CDK14: variants seen among roughly 807,000 people sequenced by gnomAD.
CDK14 encodes cyclin-dependent kinase 14.
In CDK14, 34 loss-of-function variants were observed where a neutral mutation model predicts 60.7. The ratio of observed to expected loss-of-function variants is 0.56; its 90% confidence interval spans 0.43 to 0.75. CDK14 has a LOEUF of 0.75. Among genes scored for constraint, CDK14 ranks in the 30% least tolerant of loss-of-function variants. The pLI is 0.00. For synonymous variants in CDK14, 197 were observed against 203.7 expected, an observed-to-expected ratio of 0.97 and a Z score of 0.28; for missense variants, 482 against 564.1, an observed-to-expected ratio of 0.85 and a Z score of 1.47.
At chr7:90,891,981 T>C (rs1050721575) in intron 6 of CDK14, among the ~76,000 whole-genome samples, 1 of 152,224 alleles carries the variant, frequency 6.6e-6, no homozygotes, top group African/African-American at 2.4e-5. Flanking sequence ...AAAACCTCAC[T>C]TCATGAATAA....
intron 12 of CDK14, chr7:91,107,471 G>T (rs1328483394): frequency 6.6e-6 from 1 of 152,172 alleles, no homozygotes; most frequent in African/African-American, 2.4e-5. Context: ...GAGAAAGAAG[G>T]CATCCAGGTT....
intron 6 of CDK14, among the ~76,000 whole-genome samples, chr7:90,873,322 T>C (rs6465293): frequency 0.87 from 131,919 of 152,102 alleles, 57,495 homozygotes; most frequent in East Asian, 0.96. Context: ...AAGTAATTGA[T>C]GAAAAAATCA....
intron 4 of CDK14, among the ~76,000 whole-genome samples, chr7:90,774,105 T>G (rs1392625595): frequency 1.3e-5 from 2 of 152,030 alleles, no homozygotes; most frequent in Non-Finnish European, 2.9e-5. Context: ...GGTTTCACCA[T>G]GTTAGCCAGG....
intron 11 of CDK14, among the ~76,000 whole-genome samples, chr7:91,067,878 A>G (rs17163556): frequency 0.078 from 11,812 of 152,234 alleles, 673 homozygotes; most frequent in African/African-American, 0.16. Flanking sequence ...TAAATGCAAG[A>G]TTGTATTACT....
chr7:90,838,851 C>T (rs1013562477), intron 5 of CDK14, among the ~76,000 whole-genome samples: 7 of 152,136 alleles, frequency 4.6e-5, no homozygotes, highest in South Asian at 2.1e-4. Context: ...ATTCTAATTT[C>T]GCCCTTGCCT....
chr7:90,794,006 T>C (rs1339542865), intron 5 of CDK14, among the ~76,000 whole-genome samples: 1 of 152,058 alleles, frequency 6.6e-6, no homozygotes, highest in Non-Finnish European at 1.5e-5. Flanking sequence ...TTTTCCTAAG[T>C]GTCGGATGGT....
At chr7:91,195,985 C>T (rs1802526467) in intron 14 of CDK14, among the ~76,000 whole-genome samples, 1 of 152,182 alleles carries the variant, frequency 6.6e-6, no homozygotes, top group Non-Finnish European at 1.5e-5. Context: ...AGAGTCCTTG[C>T]CTGTGCAAGA....
chr7:90,874,476 CA>C (rs1791481285), intron 6 of CDK14, among the ~76,000 whole-genome samples: 1 of 118,086 alleles, frequency 8.5e-6, no homozygotes, highest in African/African-American at 3.1e-5. Context: ...TGTACTTTTT[CA>C]ATCTGGAATC....
Position 90,604,292 on chromosome 7 carries a change from C to T in CDK14, c.123+43C>T, listed in dbSNP as rs577910711. 3.0e-6 allele frequency: 4 copies of T among 1,319,480 alleles called. No homozygotes were observed. The East Asian group carries it at 1.0e-4, about 34-fold the overall frequency. 81.7% of individuals were successfully genotyped at this position (1,319,480 alleles called of 1,614,324 possible). A position where few individuals can be genotyped will look rare whatever the true frequency, so the allele number is the denominator to read the frequency against. ...ATCTAATGTTAGATGTATTTAATGA[C>T]TACCAGGTAAAGTCAGTAGCTGCCA... is the stretch of plus-strand genomic sequence containing the variant. On this transcript the variant is annotated intron_variant, in intron 2 of 14. Coordinates refer to ENST00000380050, the MANE Select transcript of CDK14 (RefSeq NM_001287135.2).
intron 2 of CDK14, among the ~76,000 whole-genome samples, chr7:90,621,655 T>TTCCTGCCTTCCTG (rs1554421119): frequency 0.044 from 4,852 of 110,438 alleles, 105 homozygotes; most frequent in Non-Finnish European, 0.061. Flanking sequence ...CTTCCTTCCT[T>TTCCTGCCTTCCTG]CCTTCCTTCC....
intron 5 of CDK14, among the ~76,000 whole-genome samples, chr7:90,831,316 GGA>G (rs372802241): frequency 5.3e-5 from 8 of 152,070 alleles, no homozygotes; most frequent in African/African-American, 1.7e-4. Flanking sequence ...CGTGGTGGGA[GGA>G]GAGAGAGAGA....
At chr7:90,937,019 C>T (rs2117493640) in intron 8 of CDK14, among the ~76,000 whole-genome samples, 1 of 152,152 alleles carries the variant, frequency 6.6e-6, no homozygotes, top group East Asian at 1.9e-4. Context: ...TTCAAGGCTT[C>T]AGTGAGGTAT....
At chr7:91,091,557 T>C (rs1211312617) in intron 12 of CDK14, among the ~76,000 whole-genome samples, 1 of 141,994 alleles carries the variant, frequency 7.0e-6, no homozygotes, top group Non-Finnish European at 1.5e-5. Context: ...TAGTCCCAGC[T>C]ACTTGGGAGG....
intron 11 of CDK14, among the ~76,000 whole-genome samples, chr7:91,049,160 G>A (rs1363671517): frequency 6.6e-6 from 1 of 152,156 alleles, no homozygotes; most frequent in Non-Finnish European, 1.5e-5. Flanking sequence ...GGGATTACAG[G>A]CGTGAGCCGC....
chr7:90,688,500 G>GT (rs763408359), intron 2 of CDK14, among the ~76,000 whole-genome samples: 4 of 151,926 alleles, frequency 2.6e-5, no homozygotes, highest in Non-Finnish European at 5.9e-5. Flanking sequence ...TTAAAAAATT[G>GT]TTTTTTATTA....
At chr7:91,060,357 T>C (rs1797740904) in intron 11 of CDK14, among the ~76,000 whole-genome samples, 1 of 152,138 alleles carries the variant, frequency 6.6e-6, no homozygotes, top group Non-Finnish European at 1.5e-5. Context: ...TTTATCTAAT[T>C]TGGCAGTCTG....
intron 14 of CDK14, among the ~76,000 whole-genome samples, chr7:91,165,117 C>A (rs941457282): frequency 6.6e-6 from 1 of 152,300 alleles, no homozygotes; most frequent in Non-Finnish European, 1.5e-5. Flanking sequence ...ACAACAAAAA[C>A]CCACGCTCTA....
intron 2 of CDK14, among the ~76,000 whole-genome samples, chr7:90,637,025 T>C (rs1045384393): frequency 6.6e-6 from 1 of 152,098 alleles, no homozygotes; most frequent in Non-Finnish European, 1.5e-5. Flanking sequence ...TCTTCTCTCT[T>C]TTTTTCTTTA....
At chr7:91,189,842 C>G (rs1199627937) in intron 14 of CDK14, among the ~76,000 whole-genome samples, 3 of 152,172 alleles carry the variant, frequency 2.0e-5, no homozygotes. Flanking sequence ...TAACTGCCAT[C>G]ACAATACCAT....
Sources: allele counts gnomAD v4.1 joint callset (sites outside exome capture counted in the v4.1 genomes callset), GRCh38; gene constraint gnomAD v4.1.1; transcripts MANE v1.5; gene names NCBI Gene and HGNC (gene_info 2026-07-23, HGNC 2026-07-21).